The following PIGK variants were observed in gnomAD, a reference collection of about 807,000 sequenced individuals.
PIGK encodes phosphatidylinositol glycan anchor biosynthesis class K.
A neutral mutation model predicts 50.6 loss-of-function variants in PIGK; 42 were observed. The observed-to-expected ratio is 0.83, with a 90% confidence interval of 0.65 to 1.07. PIGK has a LOEUF of 1.07. PIGK is among the 50% of genes least tolerant of loss of function. PIGK has a pLI of 0.00. For missense variants in PIGK, 448 were observed against 488.7 expected (o/e 0.92, Z 0.78); for synonymous variants, 151 against 156.0 (o/e 0.97, Z 0.24).
At chr1:77,129,056 T>C in intron 9 of PIGK, 2 of 797,844 alleles carry the variant, frequency 2.5e-6, no homozygotes. Flanking sequence ...GACCTACAAA[T>C]GCTTTAAATA....
chr1:77,185,355 G>A (rs1277547412), intron 3 of PIGK, among the ~76,000 whole-genome samples: 1 of 152,212 alleles, frequency 6.6e-6, no homozygotes, highest in African/African-American at 2.4e-5. Flanking sequence ...GATCCAGTGA[G>A]CAAGAACTGG....
chr1:77,204,615 C>G (rs537875526), intron 3 of PIGK, among the ~76,000 whole-genome samples: 25 of 152,062 alleles, frequency 1.6e-4, no homozygotes, highest in African/African-American at 4.6e-4. Flanking sequence ...TGTGATGTCT[C>G]CCCTGGACAT....
chr1:77,188,549 C>T (rs1347582468), intron 3 of PIGK, among the ~76,000 whole-genome samples: 1 of 152,158 alleles, frequency 6.6e-6, no homozygotes, highest in Non-Finnish European at 1.5e-5. Context: ...GTCCTGTGGT[C>T]CTGTGGTCCT....
chr1:77,182,267 T>C (rs1655632952), intron 3 of PIGK, among the ~76,000 whole-genome samples: 2 of 152,172 alleles, frequency 1.3e-5, no homozygotes, highest in Non-Finnish European at 2.9e-5. Flanking sequence ...CTTGATTAGA[T>C]TGCGCAAGGG....
At position 77,204,531 on chromosome 1, in the gene PIGK, C is replaced by CCCTT. The variant is rs1656246180; in HGVS notation, c.239+2105_239+2108dup. Among the ~76,000 whole-genome samples, 3 of 152,194 alleles carry CCCTT rather than the reference C, an allele frequency of 2.0e-5. No individual in the cohort carries two copies. In the South Asian group the frequency reaches 6.2e-4, roughly 32 times the overall value. The stretch of plus-strand genomic sequence containing the variant: ...TGTGACCCACACCCTATTCGTACAC[C>CCCTT]CCTTCCCTTTTGAAATCCATAATAA... On this transcript the variant is annotated intron_variant, in intron 3 of 10. Coordinates refer to ENST00000370812, the MANE Select transcript of PIGK (RefSeq NM_005482.3).
chr1:77,194,689 A>G (rs766977485), intron 3 of PIGK: 5 of 297,972 alleles, frequency 1.7e-5, no homozygotes, highest in Non-Finnish European at 3.2e-5. Flanking sequence ...ATTAGGTACT[A>G]TGTTTATTAT....
chr1:77,218,106 T>C (rs1247337913), intron 1 of PIGK, among the ~76,000 whole-genome samples: 1 of 152,140 alleles, frequency 6.6e-6, no homozygotes, highest in Non-Finnish European at 1.5e-5. Flanking sequence ...TTCAAAAAGT[T>C]TGGAGTCCAC....
chr1:77,135,908 T>A (rs901435686), intron 9 of PIGK, among the ~76,000 whole-genome samples: 1 of 152,214 alleles, frequency 6.6e-6, no homozygotes, highest in African/African-American at 2.4e-5. Context: ...CAAATAATTA[T>A]TGTCATTGTC....
chr1:77,172,695 G>A (rs1238399886), intron 3 of PIGK, among the ~76,000 whole-genome samples: 1 of 152,116 alleles, frequency 6.6e-6, no homozygotes, highest in Non-Finnish European at 1.5e-5. Context: ...AGGTGGAGGA[G>A]GGTGGATCAC....
At chr1:77,105,257 G>A (rs1000295260) in intron 10 of PIGK, among the ~76,000 whole-genome samples, 8 of 140,734 alleles carry the variant, frequency 5.7e-5, no homozygotes, top group Non-Finnish European at 1.1e-4. Context: ...ACTGAGTCTG[G>A]GGTCTTTATA....
chr1:77,212,562 C>A (rs186944912), intron 1 of PIGK, among the ~76,000 whole-genome samples: 4 of 152,234 alleles, frequency 2.6e-5, no homozygotes, highest in Admixed American at 6.5e-5. Context: ...ATGCTGCCTA[C>A]AAGAAACTCA....
At chr1:77,112,648 G>T (rs1557795339) in intron 10 of PIGK, among the ~76,000 whole-genome samples, 1 of 152,002 alleles carries the variant, frequency 6.6e-6, no homozygotes. Context: ...CATCCCACTA[G>T]AAAAACAGGA....
intron 9 of PIGK, among the ~76,000 whole-genome samples, chr1:77,123,147 T>C (rs1342793153): frequency 6.6e-6 from 1 of 152,148 alleles, no homozygotes; most frequent in Non-Finnish European, 1.5e-5. Flanking sequence ...TTTAAAAACT[T>C]TTCAAATGAA....
chr1:77,143,827 T>G (rs189376807), intron 9 of PIGK, among the ~76,000 whole-genome samples: 3 of 152,178 alleles, frequency 2.0e-5, no homozygotes, highest in Admixed American at 2.0e-4. Context: ...GATAACCAGC[T>G]AAATGGCTAA....
intron 9 of PIGK, among the ~76,000 whole-genome samples, chr1:77,149,535 T>C (rs753208643): frequency 3.3e-5 from 5 of 152,108 alleles, no homozygotes; most frequent in Non-Finnish European, 7.4e-5. Context: ...AAGGAGTCAA[T>C]TTAGCAAGAG....
At chr1:77,098,457 C>T (rs1653471447) in intron 10 of PIGK, among the ~76,000 whole-genome samples, 2 of 151,870 alleles carry the variant, frequency 1.3e-5, no homozygotes, top group South Asian at 4.2e-4. Flanking sequence ...TCAACACCTC[C>T]CTCAAGTAGC....
chr1:77,163,380 A>T (rs1249278022), intron 6 of PIGK, among the ~76,000 whole-genome samples: 1 of 152,152 alleles, frequency 6.6e-6, no homozygotes, highest in Non-Finnish European at 1.5e-5. Flanking sequence ...AACTAAAGAG[A>T]TGCTTAGCAA....
chr1:77,150,899 A>G (rs1654881546), intron 9 of PIGK, among the ~76,000 whole-genome samples: 2 of 152,150 alleles, frequency 1.3e-5, no homozygotes, highest in African/African-American at 4.8e-5. Flanking sequence ...TGGATTCACT[A>G]CTGAATTCTG....
At chr1:77,216,557 A>G (rs1429469289) in intron 1 of PIGK, among the ~76,000 whole-genome samples, 1 of 152,164 alleles carries the variant, frequency 6.6e-6, no homozygotes, top group Non-Finnish European at 1.5e-5. Context: ...ATTGTTAAGC[A>G]TTGTTTCTGA....
Sources: gnomAD v4.1 joint callset for allele counts (sites outside exome capture counted in the v4.1 genomes callset) on GRCh38, gnomAD v4.1.1 for gene constraint, MANE v1.5 for transcripts, NCBI Gene and HGNC (gene_info 2026-07-23, HGNC 2026-07-21) for gene names.